BFAR: variants seen among roughly 807,000 people sequenced by gnomAD.
BFAR encodes the protein RING finger protein 47.
BFAR carries 52 observed loss-of-function variants against 54.4 expected under a neutral mutation model. The observed-to-expected ratio is 0.96, with a 90% CI of 0.77 to 1.21. The LOEUF (loss-of-function observed/expected upper bound fraction) is 1.21, where lower values mean the gene tolerates loss of function less well. Ranked by LOEUF, BFAR falls within the 50% of genes most tolerant of loss-of-function variation. BFAR has a pLI of 0.00. For missense variants in BFAR, 571 were observed against 534.0 expected, an observed-to-expected ratio of 1.07 and a Z score of -0.68; for synonymous variants, 215 against 204.3, an observed-to-expected ratio of 1.05 and a Z score of -0.45.
chr16:14,667,802 G>A lies in BFAR; in HGVS notation c.1328G>A (p.Arg443Gln), dbSNP rs748807713. ...ATTGATCTTGTGGTCAAGGAACTCCGGCGGCTGGAAACCCAGGTGTTGTGA... is the reference window on the plus strand; with the variant it reads ...ATTGATCTTGTGGTCAAGGAACTCCAGCGGCTGGAAACCCAGGTGTTGTGA... ...INIDLVVKEL[R>Q]RLETQVL is the part of the protein sequence containing the mutation. Residue 443 changes from arginine to glutamine, a missense_variant, in exon 8 of 8, where the codon CGG becomes CAG. Physicochemically the swap from Arg to Gln is conservative, Grantham distance 43. Transcript: ENST00000261658. 2.7e-5 allele frequency: 43 copies of A among 1,614,124 alleles called. No individual in the cohort carries two copies. Among genetic ancestry groups the A allele is most frequent in the South Asian group, 1.2e-4 (11 of 91,084 alleles).
chr16:14,644,156 G>GT, intron 1 of BFAR, 118 bp from the exon 2 acceptor site: 1 of 616,286 alleles, frequency 1.6e-6, no homozygotes, highest in Non-Finnish European at 2.7e-6. Flanking sequence ...GAGCAAGACT[G>GT]TGTCTCAAAA....
At chr16:14,657,154 T>C (rs113001461) in intron 5 of BFAR, among the ~76,000 whole-genome samples, 5 of 152,316 alleles carry the variant, frequency 3.3e-5, no homozygotes, top group Non-Finnish European at 4.4e-5. Context: ...TGTATTACTT[T>C]AATAACTAGT....
intron 5 of BFAR, among the ~76,000 whole-genome samples, chr16:14,657,888 TAAA>T (rs1555515268): frequency 1.3e-5 from 2 of 152,004 alleles, no homozygotes; most frequent in East Asian, 1.9e-4. Context: ...ATTAATCTCT[TAAA>T]AAAAAATTTT....
intron 5 of BFAR, 108 bp from the exon 6 acceptor site, chr16:14,661,784 T>C (rs1257424255): frequency 2.9e-5 from 34 of 1,176,404 alleles, no homozygotes; most frequent in Admixed American, 3.8e-5. Flanking sequence ...ATGCATTGTG[T>C]GTACCATGCA....
chr16:14,667,478 G>T, intron 7 of BFAR, 157 bp from the exon 8 acceptor site: 1 of 671,566 alleles, frequency 1.5e-6, no homozygotes, highest in East Asian at 2.7e-5. Context: ...AAGATGGGTT[G>T]AGTAGGCAGA....
chr16:14,639,081 T>C (rs1959542890), intron 1 of BFAR, among the ~76,000 whole-genome samples: 1 of 152,206 alleles, frequency 6.6e-6, no homozygotes, highest in South Asian at 2.1e-4. Flanking sequence ...AGGGTGCCAC[T>C]GCCTCCTGGA....
chr16:14,647,691 A>G (rs989122735), intron 2 of BFAR, among the ~76,000 whole-genome samples: 24 of 151,716 alleles, frequency 1.6e-4, no homozygotes, highest in African/African-American at 5.8e-4. Flanking sequence ...AAAAAAAAAA[A>G]ACAAGTGCCA....
intron 5 of BFAR, among the ~76,000 whole-genome samples, chr16:14,660,043 T>C (rs1455886509): frequency 6.6e-6 from 1 of 152,150 alleles, no homozygotes; most frequent in Non-Finnish European, 1.5e-5. Context: ...TGCACACCCA[T>C]GAAAGCATCA....
At chr16:14,648,632 T>A in intron 3 of BFAR, 40 bp downstream of exon 3, 1 of 1,282,750 alleles carries the variant, frequency 7.8e-7, no homozygotes, top group Non-Finnish European at 1.1e-6. Context: ...CCCCCACACC[T>A]CACCCCCCGA....
rs1320716017 is a variant in BFAR at position 14,655,145 on chromosome 16, C to A, written c.718C>A (p.Leu240Ile). Residue 240 changes from leucine (L) to isoleucine (I), a missense_variant, in exon 5 of 8, where the codon CTC (leucine) becomes ATC (isoleucine). Coordinates refer to ENST00000261658, the MANE Select transcript of BFAR (RefSeq NM_016561.3). Reference protein sequence around the residue: ...IENSSHRRAILMELERVKALG... With the variant: ...IENSSHRRAIIMELERVKALG... ...AAACAGCAGCCACAGGAGAGCCATC[C>A]TCATGGAGCTAGAACGTGTCAAAGC... is the stretch of plus-strand genomic sequence containing the variant. 6 of 1,612,064 alleles carry A rather than the reference C, an allele frequency of 3.7e-6. No individual in the cohort carries two copies. In the Admixed American group the frequency reaches 5.0e-5, roughly 14 times the overall value.
intron 1 of BFAR, among the ~76,000 whole-genome samples, chr16:14,636,881 C>G (rs921329386): frequency 6.6e-6 from 1 of 152,226 alleles, no homozygotes. Context: ...ATGCTGCCTT[C>G]AAGCATCTGT....
At chr16:14,644,668 CTTT>C (rs376559546) in intron 2 of BFAR, 59 bp downstream of exon 2, 4,074 of 1,315,592 alleles carry the variant, frequency 3.1e-3, no homozygotes, top group Non-Finnish European at 3.4e-3. Flanking sequence ...TTCTCTCTTG[CTTT>C]TTTTTTTTTT....
intron 5 of BFAR, among the ~76,000 whole-genome samples, chr16:14,659,146 T>C (rs139476682): frequency 0.016 from 2,430 of 152,098 alleles, 34 homozygotes; most frequent in Non-Finnish European, 0.025. Flanking sequence ...TGACCTCAGG[T>C]GATCCACCCG....
chr16:14,648,013 G>A (rs1959851982), intron 2 of BFAR, among the ~76,000 whole-genome samples: 1 of 152,100 alleles, frequency 6.6e-6, no homozygotes. Flanking sequence ...GCCCCGGTGG[G>A]CAGATTGCCT....
intron 5 of BFAR, among the ~76,000 whole-genome samples, chr16:14,656,164 T>C (rs1960123137): frequency 6.6e-6 from 1 of 151,954 alleles, no homozygotes; most frequent in African/African-American, 2.4e-5. Flanking sequence ...ATCACACCGC[T>C]GCATGGCAGC....
intron 1 of BFAR, among the ~76,000 whole-genome samples, chr16:14,635,485 A>G (rs187078353): frequency 5.8e-4 from 88 of 152,332 alleles, no homozygotes; most frequent in African/African-American, 1.1e-3. Flanking sequence ...TCTACAGAGT[A>G]TAGTACAGGA....
intron 6 of BFAR, among the ~76,000 whole-genome samples, chr16:14,663,476 C>T (rs980950695): frequency 2.0e-5 from 3 of 152,122 alleles, no homozygotes; most frequent in South Asian, 2.1e-4. Context: ...GGACTACAGG[C>T]GCCCGCCACC....
chr16:14,654,501 T>A (rs1960066159), intron 4 of BFAR, among the ~76,000 whole-genome samples: 2 of 137,234 alleles, frequency 1.5e-5, no homozygotes, highest in Non-Finnish European at 3.1e-5. Flanking sequence ...TCCTTTTTTT[T>A]TTTTTTTTTT....
At position 14,669,111 on chromosome 16, in the gene BFAR, G is replaced by A. The variant is rs766235418; in HGVS notation, c.*1284G>A. ...AGGCCTACATCCAAAATATTATCTT[G>A]TGACTCCATGAACCATTCATTAACC... On this transcript the variant is annotated 3_prime_UTR_variant, in exon 8 of 8. Transcript: ENST00000261658. The A allele has an allele frequency of 9.8e-5, 44 of 450,980 alleles. No homozygotes were observed. The highest frequency in any genetic ancestry group is 1.8e-4 in the Non-Finnish European group (40 of 224,084). 27.9% of individuals were successfully genotyped at this position (450,980 alleles called of 1,614,324 possible).
Sources: gnomAD v4.1 joint callset for allele counts (sites outside exome capture counted in the v4.1 genomes callset) on GRCh38, gnomAD v4.1.1 for gene constraint, MANE v1.5 for transcripts, NCBI Gene and HGNC (gene_info 2026-07-23, HGNC 2026-07-21) for gene names.